Variants in AMMECR1 observed in about 807,000 individuals in gnomAD.
AMMECR1 encodes the protein nuclear protein AMMECR1.
Under a neutral mutation model 22.5 loss-of-function variants are expected in AMMECR1, and 3 were observed. The ratio of observed to expected loss-of-function variants is 0.13; its 90% CI spans 0.06 to 0.35. AMMECR1 has a LOEUF of 0.35. Ranked by LOEUF, AMMECR1 falls within the 10% of genes least tolerant of loss-of-function variation. AMMECR1 has a pLI of 1.00. For synonymous variants in AMMECR1, 130 were observed against 116.7 expected (o/e 1.11, Z -0.74); for missense variants, 235 against 278.7 (o/e 0.84, Z 1.12).
intron 2 of AMMECR1, among the ~76,000 whole-genome samples, chrX:110,417,915 A>G (rs903026367): frequency 2.7e-5 from 3 of 112,661 alleles, no homozygotes; most frequent in African/African-American, 9.7e-5. Flanking sequence ...ATTCCAGTCC[A>G]CCAGCCTGTA....
chrX:110,404,181 AT>A (rs985141248), intron 2 of AMMECR1, among the ~76,000 whole-genome samples: 7 of 111,477 alleles, frequency 6.3e-5, no homozygotes, highest in Admixed American at 2.8e-4. Context: ...AGGCTCCTTC[AT>A]TTTTTTTCCT....
intron 1 of AMMECR1, among the ~76,000 whole-genome samples, chrX:110,282,837 T>C: frequency 9.0e-6 from 1 of 111,411 alleles, no homozygotes; most frequent in East Asian, 2.8e-4. Context: ...TATGATATTA[T>C]GAATTAAGTA....
At chrX:110,202,208 C>T (rs762084481) in intron 4 of AMMECR1, among the ~76,000 whole-genome samples, 1 of 112,233 alleles carries the variant, frequency 8.9e-6, no homozygotes, top group Non-Finnish European at 1.9e-5. Flanking sequence ...ATAAATTCTG[C>T]TTTTTAAAAA....
chrX:110,359,197 G>A (rs1343837838), intron 2 of AMMECR1, among the ~76,000 whole-genome samples: 1 of 110,995 alleles, frequency 9.0e-6, no homozygotes, highest in South Asian at 3.8e-4. Context: ...ATACTGCTTC[G>A]CAACAGAAAC....
At chrX:110,343,167 G>C (rs1411648267) in intron 2 of AMMECR1, among the ~76,000 whole-genome samples, 1 of 111,916 alleles carries the variant, frequency 8.9e-6, no homozygotes, top group Non-Finnish European at 1.9e-5. Context: ...CTTCATCCCT[G>C]GGATGCAAGG....
intron 2 of AMMECR1, among the ~76,000 whole-genome samples, chrX:110,404,909 A>G (rs2068588240): frequency 8.9e-6 from 1 of 112,059 alleles, no homozygotes; most frequent in Non-Finnish European, 1.9e-5. Flanking sequence ...AAATACACAT[A>G]GTAGCATTTT....
intron 1 of AMMECR1, among the ~76,000 whole-genome samples, chrX:110,273,658 G>C (rs1420909663): frequency 9.0e-6 from 1 of 111,690 alleles, no homozygotes; most frequent in Non-Finnish European, 1.9e-5. Flanking sequence ...TTTTGTATAT[G>C]GTGGGAGATA....
intron 2 of AMMECR1, among the ~76,000 whole-genome samples, chrX:110,328,283 T>C (rs746903252): frequency 2.7e-5 from 3 of 111,766 alleles, no homozygotes; most frequent in Non-Finnish European, 5.6e-5. Context: ...TTAAATTGCA[T>C]ATCAGTACAT....
chrX:110,212,524 T>C (rs1569374374), intron 3 of AMMECR1, among the ~76,000 whole-genome samples: 1 of 112,184 alleles, frequency 8.9e-6, no homozygotes. Flanking sequence ...AACATGCTCA[T>C]TATCTATCTT....
chrX:110,237,283 A>G (rs1015684850), intron 2 of AMMECR1, among the ~76,000 whole-genome samples: 1 of 110,527 alleles, frequency 9.0e-6, no homozygotes, highest in Non-Finnish European at 1.9e-5. Flanking sequence ...ATTAGTACAC[A>G]AATTTTTTTA....
intron 1 of AMMECR1, among the ~76,000 whole-genome samples, chrX:110,268,338 TG>T (rs2067780490): frequency 8.9e-6 from 1 of 112,201 alleles, no homozygotes. Context: ...TGCCTGAAGA[TG>T]GAAGAAGTCA....
At chrX:110,329,379 A>G (rs1474854086) in intron 2 of AMMECR1, among the ~76,000 whole-genome samples, 1 of 112,214 alleles carries the variant, frequency 8.9e-6, no homozygotes, top group Non-Finnish European at 1.9e-5. Flanking sequence ...TTTTAAAGCC[A>G]TCCAGCAGAA....
At chrX:110,343,385 A>C (rs1409922946) in intron 2 of AMMECR1, among the ~76,000 whole-genome samples, 318 of 111,458 alleles carry the variant, frequency 2.9e-3, no homozygotes, top group African/African-American at 9.6e-3. Flanking sequence ...CAGCCAATAT[A>C]ATACTGAATG....
chrX:110,421,127 GA>G (rs2148320879), intron 2 of AMMECR1, among the ~76,000 whole-genome samples: 1 of 112,450 alleles, frequency 8.9e-6, no homozygotes, highest in East Asian at 2.8e-4. Flanking sequence ...CAGCCCCTCT[GA>G]CTTTTTTGCA....
intron 2 of AMMECR1, chrX:110,219,373 C>G: frequency 4.0e-6 from 3 of 753,807 alleles, no homozygotes; most frequent in Non-Finnish European, 4.7e-6. Context: ...CTAGCTCTAG[C>G]TTTTTCATTT....
chrX:110,424,323 CTACTACTAT>C (rs2148324573), intron 2 of AMMECR1, among the ~76,000 whole-genome samples: 2 of 111,820 alleles, frequency 1.8e-5, no homozygotes, highest in African/African-American at 6.5e-5. Context: ...GTTGCTGCTG[CTACTACTAT>C]TACTACTACT....
intron 1 of AMMECR1, among the ~76,000 whole-genome samples, chrX:110,290,961 T>G (rs1464822792): frequency 8.9e-6 from 1 of 111,757 alleles, no homozygotes; most frequent in African/African-American, 3.3e-5. Context: ...GTACTTTAAT[T>G]GAAAATAATT....
Position 110,326,689 on chromosome X carries a change from G to A in AMMECR1, c.-147-8840C>T, listed in dbSNP as rs541697955. Among the ~76,000 whole-genome samples, 36 of 111,884 alleles carry A rather than the reference G, an allele frequency of 3.2e-4. No homozygotes were observed. In the East Asian group the frequency reaches 4.8e-3, roughly 15 times the overall value. ...ATTGAGGTGCAGGAGTGGATCATTC[G>A]TAGCCATGATAAATAATTTGGCTTT... On this transcript the variant is annotated intron_variant, in intron 2 of 7. Coordinates refer to the AMMECR1 transcript ENST00000372057.
At chrX:110,373,631 T>C (rs2068355152) in intron 2 of AMMECR1, among the ~76,000 whole-genome samples, 1 of 112,611 alleles carries the variant, frequency 8.9e-6, no homozygotes, top group African/African-American at 3.2e-5. Flanking sequence ...AAACTACAGA[T>C]AATACAGTAA....
Sources: gnomAD v4.1 joint callset for allele counts (sites outside exome capture counted in the v4.1 genomes callset) on GRCh38, gnomAD v4.1.1 for gene constraint, MANE v1.5 for transcripts, NCBI Gene and HGNC (gene_info 2026-07-23, HGNC 2026-07-21) for gene names.